Variants in ITCH observed in about 807,000 individuals in gnomAD.
ITCH encodes the protein E3 ubiquitin-protein ligase Itchy homolog.
ITCH carries 28 observed loss-of-function variants against 126.8 expected under a neutral mutation model. That is an observed-to-expected ratio of 0.22 (90% CI 0.16 to 0.30). The LOEUF is 0.30. Among genes scored for constraint, ITCH ranks in the 10% least tolerant of loss-of-function variants. The pLI is 1.00. For missense variants in ITCH, 631 were observed against 1,032.4 expected (o/e 0.61, Z 5.33); for synonymous variants, 342 against 340.0 (o/e 1.01, Z -0.06).
chr20:34,435,558 A>G lies in ITCH; in HGVS notation c.522-2916A>G, dbSNP rs200679168. ...CTCTGACCTTTTCTTTACTGGGCCCAGTGGAAAATTTATTAGAATTGTTTG... is the reference window on the plus strand; with the variant it reads ...CTCTGACCTTTTCTTTACTGGGCCCGGTGGAAAATTTATTAGAATTGTTTG... On this transcript the variant is annotated intron_variant, in intron 7 of 24. Transcript: ENST00000374864. Among the ~76,000 whole-genome samples the G allele has an allele frequency of 2.0e-5, 3 of 152,182 alleles. No individual in the cohort carries two copies. In the East Asian group the frequency reaches 5.8e-4, roughly 29 times the overall value.
chr20:34,417,834 A>T (rs1276421711), intron 6 of ITCH, among the ~76,000 whole-genome samples: 4 of 145,108 alleles, frequency 2.8e-5, no homozygotes, highest in African/African-American at 1.0e-4. Context: ...TTTTCGTGGG[A>T]TGGTTTTTTT....
At chr20:34,363,607 C>T (rs1478732828) in intron 1 of ITCH, among the ~76,000 whole-genome samples, 2 of 152,172 alleles carry the variant, frequency 1.3e-5, no homozygotes, top group Admixed American at 6.5e-5. Flanking sequence ...AGGCCTTCGC[C>T]TCGCGGGCTC....
rs771933881 is a variant in ITCH, at chr20:34,479,836, C to T, written c.1818+47C>T. 2.6e-6 allele frequency: 4 copies of T among 1,539,984 alleles called. No homozygotes were observed. The Admixed American group carries it at 6.7e-5, about 26-fold the overall frequency. ...TGTTTACTTTGCTTATTCAGCAATA[C>T]TAAATTTTCTCTTAGGTGCCATAAC... On this transcript the variant is annotated intron_variant, in intron 18 of 24. Coordinates refer to ENST00000374864, the MANE Select transcript of ITCH (RefSeq NM_031483.7).
intron 2 of ITCH, among the ~76,000 whole-genome samples, chr20:34,373,826 A>C (rs906826271): frequency 1.3e-5 from 2 of 152,118 alleles, no homozygotes; most frequent in Non-Finnish European, 2.9e-5. Context: ...TTCTGAGAAA[A>C]TGTTTATTAT....
intron 13 of ITCH, 47 bp downstream of exon 13, chr20:34,457,521 T>G (rs763480651): frequency 8.7e-6 from 11 of 1,260,724 alleles, no homozygotes; most frequent in Non-Finnish European, 1.2e-5. Flanking sequence ...AGATTATACC[T>G]TATTTCTAAC....
intron 8 of ITCH, among the ~76,000 whole-genome samples, chr20:34,439,012 C>T (rs993836499): frequency 2.0e-5 from 3 of 152,044 alleles, no homozygotes; most frequent in Non-Finnish European, 4.4e-5. Context: ...AAACGAAAAC[C>T]CAACAATGCT....
chr20:34,497,158 G>A (rs1201207137), intron 23 of ITCH, among the ~76,000 whole-genome samples: 3 of 151,628 alleles, frequency 2.0e-5, no homozygotes, highest in Admixed American at 1.3e-4. Flanking sequence ...CACCACACCT[G>A]GCTAGTTTTT....
intron 23 of ITCH, among the ~76,000 whole-genome samples, chr20:34,495,944 A>AG (rs1403173364): frequency 6.7e-6 from 1 of 150,330 alleles, no homozygotes; most frequent in Non-Finnish European, 1.5e-5. Flanking sequence ...AAAAAAAAAA[A>AG]AAAATTAGCT....
intron 3 of ITCH, among the ~76,000 whole-genome samples, chr20:34,406,903 A>G (rs1568903812): frequency 6.6e-6 from 1 of 152,126 alleles, no homozygotes; most frequent in Non-Finnish European, 1.5e-5. Context: ...AACTTTGATG[A>G]GCATTAGCAT....
chr20:34,466,560 A>G, intron 14 of ITCH: 1 of 426,928 alleles, frequency 2.3e-6, no homozygotes, highest in Admixed American at 3.1e-5. Flanking sequence ...TTATTCTATC[A>G]TTCATTTTAG....
chr20:34,408,502 G>A (rs939927712), intron 3 of ITCH, 149 bp from the exon 4 acceptor site: 1 of 719,724 alleles, frequency 1.4e-6, no homozygotes, highest in East Asian at 2.7e-5. Flanking sequence ...AAGTACAAAG[G>A]TTATGAGTGA....
intron 16 of ITCH, among the ~76,000 whole-genome samples, chr20:34,475,178 G>T (rs2146442244): frequency 6.6e-6 from 1 of 151,938 alleles, no homozygotes; most frequent in African/African-American, 2.4e-5. Flanking sequence ...AGACTGGGCA[G>T]CCAGGCAGAG....
At chr20:34,466,189 C>T in intron 14 of ITCH, 5 of 266,340 alleles carry the variant, frequency 1.9e-5, no homozygotes, top group South Asian at 3.8e-5. Context: ...GATTTTTTCC[C>T]CCCCTCATTC....
intron 23 of ITCH, among the ~76,000 whole-genome samples, chr20:34,499,903 C>T (rs1174748648): frequency 1.3e-5 from 2 of 152,068 alleles, no homozygotes; most frequent in African/African-American, 4.8e-5. Flanking sequence ...GCATTTGTTT[C>T]ATGGAATTTT....
chr20:34,417,253 CGCCT>C lies in ITCH; in HGVS notation c.475+3376_475+3379del, dbSNP rs769346550. 8 of 550,772 alleles carry C rather than the reference CGCCT, an allele frequency of 1.5e-5. 1 individual carries two copies. The South Asian group carries it at 1.5e-4, about 10-fold the overall frequency. 34.1% of individuals were successfully genotyped at this position (550,772 alleles called of 1,614,324 possible). On this transcript the variant is annotated intron_variant, in intron 6 of 24. Coordinates refer to ENST00000374864, the MANE Select transcript of ITCH (RefSeq NM_031483.7). ...CTGGGTTTACAGGTATGCACCACCA[CGCCT>C]GGCTAATTTTGTATTTTTTAGTAGA... is the stretch of plus-strand genomic sequence containing the variant.
At position 34,503,861 on chromosome 20, in the gene ITCH, T is replaced by TG. The variant is rs1172550121; in HGVS notation, c.2417-470_2417-469insG. 6.0e-4 allele frequency among the ~76,000 whole-genome samples: 72 copies of TG among 120,744 alleles called. 3 individuals carry two copies. The highest frequency in any genetic ancestry group is 8.8e-4 in the East Asian group (4 of 4,566). The allele number at this position is 120,744 out of a possible 152,430, so 79.2% of individuals were successfully genotyped here. A position where few individuals can be genotyped will look rare whatever the true frequency, so the allele number is the denominator to read the frequency against. On this transcript the variant is annotated intron_variant, in intron 23 of 24. Coordinates refer to ENST00000374864, the MANE Select transcript of ITCH (RefSeq NM_031483.7). ...GCTTTTGGGTTTTTTGGGTTTTTTTTTTTTTTTGGTTTTTTTTTTTTTGGT... is the reference window on the plus strand; with the variant it reads ...GCTTTTGGGTTTTTTGGGTTTTTTTTGTTTTTTTGGTTTTTTTTTTTTTGGT...
chr20:34,376,141 C>T (rs1336367717), intron 2 of ITCH, among the ~76,000 whole-genome samples: 2 of 152,120 alleles, frequency 1.3e-5, no homozygotes, highest in Non-Finnish European at 2.9e-5. Context: ...TGCTGCTTTA[C>T]AACCTCTGAT....
intron 12 of ITCH, among the ~76,000 whole-genome samples, chr20:34,456,202 ATATATATATATATTTTTT>A (rs1985948761): frequency 6.3e-5 from 2 of 31,696 alleles, no homozygotes; most frequent in Non-Finnish European, 1.1e-4. Context: ...ATATATATAT[ATATATATATATATTTTTT>A]TTTTTTTTTT....
intron 2 of ITCH, among the ~76,000 whole-genome samples, chr20:34,387,828 C>A (rs2038343813): frequency 6.6e-6 from 1 of 151,996 alleles, no homozygotes; most frequent in Non-Finnish European, 1.5e-5. Flanking sequence ...CCTCAGCCTC[C>A]CAAGTAGCTG....
Sources: gnomAD v4.1 joint callset for allele counts (sites outside exome capture counted in the v4.1 genomes callset) on GRCh38, gnomAD v4.1.1 for gene constraint, MANE v1.5 for transcripts, NCBI Gene and HGNC (gene_info 2026-07-23, HGNC 2026-07-21) for gene names.